The following SGCZ variants were observed in gnomAD, a reference collection of about 807,000 sequenced individuals.
SGCZ encodes the protein sarcoglycan zeta, also known as zeta-sarcoglycan.
Under a neutral mutation model 41.3 loss-of-function variants are expected in SGCZ, and 40 were observed. That is an observed-to-expected ratio of 0.97 (90% CI 0.75 to 1.26). The LOEUF (loss-of-function observed/expected upper bound fraction) is 1.26. SGCZ is among the 50% of genes most tolerant of loss of function. The pLI is 0.00. For synonymous variants in SGCZ, 206 were observed against 137.5 expected (o/e 1.50, Z -3.49); for missense variants, 552 against 369.8 (o/e 1.49, Z -4.04).
At chr8:14,453,091 G>C (rs1397044225) in intron 2 of SGCZ, among the ~76,000 whole-genome samples, 2 of 152,080 alleles carry the variant, frequency 1.3e-5, no homozygotes, top group Non-Finnish European at 2.9e-5. Flanking sequence ...CTGGGTGACA[G>C]AGCAAGACTT....
At chr8:14,516,653 T>A (rs1802630259) in intron 2 of SGCZ, among the ~76,000 whole-genome samples, 1 of 152,068 alleles carries the variant, frequency 6.6e-6, no homozygotes, top group African/African-American at 2.4e-5. Context: ...CTAAAAAGCA[T>A]CCCATAAAGT....
chr8:14,160,652 C>T (rs1362060427), intron 5 of SGCZ, among the ~76,000 whole-genome samples: 1 of 152,122 alleles, frequency 6.6e-6, no homozygotes. Context: ...AAACCTTAAG[C>T]ATGTGATTGC....
chr8:14,992,617 G>A (rs113604420), intron 1 of SGCZ, among the ~76,000 whole-genome samples: 20 of 135,502 alleles, frequency 1.5e-4, no homozygotes, highest in East Asian at 4.8e-4. Context: ...CCCAAAACCA[G>A]TGTTACCCTT....
chr8:14,867,302 A>G (rs1466605957), intron 1 of SGCZ, among the ~76,000 whole-genome samples: 1 of 152,180 alleles, frequency 6.6e-6, no homozygotes, highest in African/African-American at 2.4e-5. Context: ...TAAGAGCTGC[A>G]TAGTATTCCA....
chr8:14,723,514 G>C (rs1809956354), intron 1 of SGCZ, among the ~76,000 whole-genome samples: 1 of 152,102 alleles, frequency 6.6e-6, no homozygotes, highest in African/African-American at 2.4e-5. Context: ...TTGTGCACAG[G>C]ACAGCTCCAC....
intron 1 of SGCZ, among the ~76,000 whole-genome samples, chr8:14,800,125 T>A (rs143078748): frequency 6.7e-6 from 1 of 149,272 alleles, no homozygotes; most frequent in African/African-American, 2.5e-5. Context: ...GCATCTACAC[T>A]TTTTCAAGAT....
chr8:14,639,853 C>G (rs1806965012), intron 1 of SGCZ, among the ~76,000 whole-genome samples: 1 of 151,224 alleles, frequency 6.6e-6, no homozygotes, highest in Non-Finnish European at 1.5e-5. Context: ...TCCAGGTTGG[C>G]ATAATTTGTT....
Position 14,551,542 on chromosome 8 carries a change from A to G in SGCZ, c.234+3190T>C, listed in dbSNP as rs866092333. Among the ~76,000 whole-genome samples the G allele has an allele frequency of 5.6e-4, 4 of 7,082 alleles. 1 individual carries two copies. Among genetic ancestry groups the G allele is most frequent in the East Asian group, 5.7e-3 (1 of 176 alleles). The allele number at this position is 7,082 out of a possible 152,430, so 4.6% of individuals were successfully genotyped here. On this transcript the variant is annotated intron_variant, in intron 2 of 7. Coordinates refer to ENST00000382080, the MANE Select transcript of SGCZ (RefSeq NM_139167.4). ...TATATATAATATATATAATATATATAATATATATAATATATATTATATATA... is the reference window on the plus strand; with the variant it reads ...TATATATAATATATATAATATATATGATATATATAATATATATTATATATA...
At chr8:14,118,187 T>G (rs529140515) in intron 5 of SGCZ, among the ~76,000 whole-genome samples, 6 of 152,118 alleles carry the variant, frequency 3.9e-5, no homozygotes, top group Non-Finnish European at 8.8e-5. Context: ...TGAACTAATT[T>G]GCACTCCTAC....
chr8:14,455,439 G>C (rs959487370), intron 2 of SGCZ, among the ~76,000 whole-genome samples: 1 of 146,110 alleles, frequency 6.8e-6, no homozygotes, highest in Non-Finnish European at 1.5e-5. Context: ...AAGTGTTGAA[G>C]GGACATTTGC....
chr8:14,903,589 G>C (rs748070427), intron 1 of SGCZ, among the ~76,000 whole-genome samples: 102 of 152,110 alleles, frequency 6.7e-4, no homozygotes, highest in Non-Finnish European at 1.0e-3. Flanking sequence ...TAGCCTTTAG[G>C]TTGGAAAAAA....
intron 1 of SGCZ, among the ~76,000 whole-genome samples, chr8:14,583,311 T>C (rs1379059122): frequency 6.6e-6 from 1 of 152,120 alleles, no homozygotes; most frequent in Non-Finnish European, 1.5e-5. Context: ...TGTCTTCTTT[T>C]GAGAAGTGTC....
intron 1 of SGCZ, among the ~76,000 whole-genome samples, chr8:15,181,643 A>G (rs764579641): frequency 2.6e-5 from 4 of 152,288 alleles, no homozygotes; most frequent in East Asian, 1.9e-4. Flanking sequence ...TGCAGTGAAC[A>G]TTTTGATACG....
intron 3 of SGCZ, among the ~76,000 whole-genome samples, chr8:14,260,597 G>C (rs12155911): frequency 0.12 from 17,742 of 148,428 alleles, 1,172 homozygotes; most frequent in Middle Eastern, 0.18. Flanking sequence ...CCATTACTGG[G>C]TATATACCCA....
At chr8:14,866,053 G>A (rs1803920300) in intron 1 of SGCZ, among the ~76,000 whole-genome samples, 1 of 151,910 alleles carries the variant, frequency 6.6e-6, no homozygotes, top group Non-Finnish European at 1.5e-5. Flanking sequence ...TTAATAAGGA[G>A]GTATTTGTTC....
chr8:14,656,605 C>T (rs140351692), intron 1 of SGCZ, among the ~76,000 whole-genome samples: 1 of 98,870 alleles, frequency 1.0e-5, no homozygotes, highest in Non-Finnish European at 2.5e-5. Context: ...CCTCTCCTCT[C>T]CCTCTCCTCT....
intron 2 of SGCZ, among the ~76,000 whole-genome samples, chr8:14,537,157 A>G (rs1803321404): frequency 6.6e-6 from 1 of 151,894 alleles, no homozygotes; most frequent in African/African-American, 2.4e-5. Context: ...TAAGCTCTGC[A>G]ATAGAGTTAT....
chr8:14,648,576 G>T (rs1323019268), intron 1 of SGCZ, among the ~76,000 whole-genome samples: 1 of 151,932 alleles, frequency 6.6e-6, no homozygotes, highest in Non-Finnish European at 1.5e-5. Context: ...TGCAGCACTG[G>T]GAAATGTTTG....
At chr8:14,938,229 C>A (rs1800148370) in intron 1 of SGCZ, among the ~76,000 whole-genome samples, 1 of 152,000 alleles carries the variant, frequency 6.6e-6, no homozygotes, top group African/African-American at 2.4e-5. Flanking sequence ...TAGAATAAGC[C>A]AGAAATGAAA....
Sources: gnomAD v4.1 joint callset for allele counts (sites outside exome capture counted in the v4.1 genomes callset) on GRCh38, gnomAD v4.1.1 for gene constraint, MANE v1.5 for transcripts, NCBI Gene and HGNC (gene_info 2026-07-23, HGNC 2026-07-21) for gene names.